The following FOXP2 variants were observed in gnomAD, a reference collection of about 807,000 sequenced individuals.
The protein encoded by FOXP2 is forkhead box protein P2.
A neutral mutation model predicts 115.8 loss-of-function variants in FOXP2; 12 were observed. The observed-to-expected ratio is 0.10, with a 90% confidence interval of 0.07 to 0.17. FOXP2 has a LOEUF of 0.17. Ranked by LOEUF, FOXP2 falls within the 10% of genes least tolerant of loss-of-function variation. The pLI, the probability that FOXP2 is intolerant of heterozygous loss-of-function variation, is 1.00. For missense variants in FOXP2, 629 were observed against 843.5 expected (o/e 0.75, Z 3.15); for synonymous variants, 328 against 297.7 (o/e 1.10, Z -1.05).
At position 114,575,657 on chromosome 7, in the gene FOXP2, C is replaced by T. The variant is rs193195164; in HGVS notation, c.258+40951C>T. Among the ~76,000 whole-genome samples the T allele has an allele frequency of 2.2e-4, 33 of 151,930 alleles. 1 individual carries two copies. The highest frequency in any genetic ancestry group is 1.9e-3 in the Admixed American group (29 of 15,200). On this transcript the variant is annotated intron_variant, in intron 3 of 16. Coordinates refer to ENST00000350908, the MANE Select transcript of FOXP2 (RefSeq NM_014491.4). ...GCCAAGAAGAATCATAGCTAAAATACGTAAGGAAAAGTGATTGTCCCCCAA... is the reference window on the plus strand; with the variant it reads ...GCCAAGAAGAATCATAGCTAAAATATGTAAGGAAAAGTGATTGTCCCCCAA...
At chr7:114,620,552 T>C (rs1271230715) in intron 3 of FOXP2, among the ~76,000 whole-genome samples, 1 of 152,066 alleles carries the variant, frequency 6.6e-6, no homozygotes, top group African/African-American at 2.4e-5. Flanking sequence ...TAAAAAGTAA[T>C]CGTAGAAGTC....
intron 1 of FOXP2, among the ~76,000 whole-genome samples, chr7:114,242,499 A>G (rs1010812840): frequency 2.0e-5 from 3 of 152,076 alleles, no homozygotes; most frequent in East Asian, 3.9e-4. Context: ...CAAGGACCCT[A>G]TAAGGAAGGA....
chr7:114,429,540 A>T (rs568866578), intron 2 of FOXP2, among the ~76,000 whole-genome samples: 3 of 151,646 alleles, frequency 2.0e-5, no homozygotes, highest in Non-Finnish European at 3.0e-5. Context: ...TCTGCATTAG[A>T]TGTAGAATTT....
At chr7:114,642,894 C>T (rs1420775224) in intron 7 of FOXP2, among the ~76,000 whole-genome samples, 5 of 146,628 alleles carry the variant, frequency 3.4e-5, no homozygotes, top group Non-Finnish European at 6.0e-5. Context: ...CTGCAAGCTC[C>T]GCCTCCCGGG....
chr7:114,508,186 T>C (rs1797915802), intron 2 of FOXP2, among the ~76,000 whole-genome samples: 1 of 151,978 alleles, frequency 6.6e-6, no homozygotes, highest in Non-Finnish European at 1.5e-5. Flanking sequence ...TTTTTTCTGC[T>C]TAGAAAAAAG....
At chr7:114,590,689 T>C (rs1224039662) in intron 3 of FOXP2, among the ~76,000 whole-genome samples, 1 of 152,134 alleles carries the variant, frequency 6.6e-6, no homozygotes, top group Non-Finnish European at 1.5e-5. Context: ...AAAATTCTGT[T>C]TGACAATAAT....
chr7:114,636,753 C>G (rs556133828), intron 6 of FOXP2, among the ~76,000 whole-genome samples: 1 of 151,402 alleles, frequency 6.6e-6, no homozygotes, highest in Non-Finnish European at 1.5e-5. Context: ...TTGAAACTAG[C>G]GTAGACATTT....
intron 1 of FOXP2, among the ~76,000 whole-genome samples, chr7:114,206,371 A>T (rs1009212734): frequency 6.6e-6 from 1 of 151,714 alleles, no homozygotes; most frequent in South Asian, 2.1e-4. Flanking sequence ...TGACCTGTTG[A>T]CCTCCTGTCA....
intron 15 of FOXP2, among the ~76,000 whole-genome samples, chr7:114,663,915 G>A (rs1385568548): frequency 2.0e-5 from 3 of 152,112 alleles, no homozygotes; most frequent in Admixed American, 1.3e-4. Context: ...GGAGGCAAAT[G>A]TCAGGACTTC....
At chr7:114,140,426 G>A (rs183153314) in intron 1 of FOXP2, among the ~76,000 whole-genome samples, 47 of 152,214 alleles carry the variant, frequency 3.1e-4, no homozygotes, top group African/African-American at 1.0e-3. Flanking sequence ...TGACGTGCAC[G>A]GTTTCTTAAT....
At position 114,363,078 on chromosome 7, in the gene FOXP2, A is replaced by G. The variant is rs932029581; in HGVS notation, c.-10-63424A>G. Among the ~76,000 whole-genome samples the G allele has an allele frequency of 5.3e-5, 8 of 152,242 alleles. No homozygotes were observed. The South Asian group carries it at 8.3e-4, about 16-fold the overall frequency. ...AATAGTTAATATAATTCTTATTCAA[A>G]TAGATCTCAATGGGATAATAGATCA... On this transcript the variant is annotated intron_variant, in intron 2 of 17. Coordinates refer to the FOXP2 transcript ENST00000634411.
intron 2 of FOXP2, among the ~76,000 whole-genome samples, chr7:114,474,322 C>T (rs1329600396): frequency 6.6e-6 from 1 of 152,132 alleles, no homozygotes; most frequent in Non-Finnish European, 1.5e-5. Flanking sequence ...ATGTCTTACT[C>T]CAGCTAATCA....
At chr7:114,168,044 T>C (rs1389768523) in intron 1 of FOXP2, among the ~76,000 whole-genome samples, 1 of 152,114 alleles carries the variant, frequency 6.6e-6, no homozygotes, top group Admixed American at 6.6e-5. Context: ...ACTGTGATTG[T>C]GAGGCCTCCC....
Position 114,493,435 on chromosome 7 carries a change from A to T in FOXP2, c.169-41182A>T, listed in dbSNP as rs192579276. ...GACTTTGGGTGAGAATGATATGTCA[A>T]TATGGGTTCAGAATTTATAACAAAC... On this transcript the variant is annotated intron_variant, in intron 2 of 16. Transcript: ENST00000350908. Among the ~76,000 whole-genome samples the T allele has an allele frequency of 1.5e-3, 230 of 152,256 alleles. 2 individuals are homozygous for T. The highest frequency in any genetic ancestry group is 5.1e-3 in the African/African-American group (211 of 41,544).
chr7:114,572,993 A>T (rs533156442), intron 3 of FOXP2, among the ~76,000 whole-genome samples: 3 of 151,958 alleles, frequency 2.0e-5, no homozygotes, highest in South Asian at 2.1e-4. Flanking sequence ...TAGAAGTCTG[A>T]GGTTCTTCCA....
chr7:114,174,150 A>ATG lies in FOXP2; in HGVS notation c.-102+11070_-102+11071dup, dbSNP rs1464168249. ...TAGGGATAAGTGTGCAAATAAATAA[A>ATG]TGTGTGTGTATGCTTATGTGTATAT... On this transcript the variant is annotated intron_variant, in intron 1 of 17. Coordinates refer to the FOXP2 transcript ENST00000634411. Among the ~76,000 whole-genome samples, 5 of 152,022 alleles carry ATG rather than the reference A, an allele frequency of 3.3e-5. No individual in the cohort carries two copies. In the East Asian group the frequency reaches 9.7e-4, roughly 29 times the overall value.
At chr7:114,431,621 G>A (rs1266375242) in intron 2 of FOXP2, among the ~76,000 whole-genome samples, 3 of 151,852 alleles carry the variant, frequency 2.0e-5, no homozygotes, top group African/African-American at 7.2e-5. Context: ...TTGTGACTGT[G>A]CATGATCTCA....
chr7:114,676,468 A>C (rs1373185413), intron 16 of FOXP2, among the ~76,000 whole-genome samples: 1 of 152,160 alleles, frequency 6.6e-6, no homozygotes, highest in East Asian at 1.9e-4. Flanking sequence ...TATTGGATGA[A>C]ATAAAATCAG....
intron 1 of FOXP2, among the ~76,000 whole-genome samples, chr7:114,128,598 G>C (rs186948128): frequency 3.6e-4 from 54 of 151,804 alleles, no homozygotes; most frequent in African/African-American, 1.3e-3. Flanking sequence ...ACTAGTCTGG[G>C]ATCAAAACGC....
Sources: gnomAD v4.1 joint callset for allele counts (sites outside exome capture counted in the v4.1 genomes callset) on GRCh38, gnomAD v4.1.1 for gene constraint, MANE v1.5 for transcripts, NCBI Gene and HGNC (gene_info 2026-07-23, HGNC 2026-07-21) for gene names.